ZFP90: variants seen among roughly 807,000 people sequenced by gnomAD.
The protein encoded by ZFP90 is ZFP90 zinc finger protein.
ZFP90 carries 38 observed loss-of-function variants against 60.8 expected under a neutral mutation model. The observed-to-expected ratio is 0.62, with a 90% CI of 0.48 to 0.82. The LOEUF (loss-of-function observed/expected upper bound fraction) is 0.82. Among genes scored for constraint, ZFP90 ranks in the 40% least tolerant of loss-of-function variants. ZFP90 has a pLI of 0.00. For missense variants in ZFP90, 711 were observed against 759.1 expected (o/e 0.94, Z 0.74); for synonymous variants, 287 against 264.8 (o/e 1.08, Z -0.82).
intron 2 of ZFP90, among the ~76,000 whole-genome samples, chr16:68,555,905 G>C (rs534327820): frequency 6.6e-6 from 1 of 152,350 alleles, no homozygotes; most frequent in South Asian, 2.1e-4. Context: ...TGAAGCCTCT[G>C]TGAAACCTTC....
chr16:68,538,018 T>C (rs534435558), upstream of ZFP90, among the ~76,000 whole-genome samples: 2 of 152,192 alleles, frequency 1.3e-5, no homozygotes, highest in Non-Finnish European at 1.5e-5. Flanking sequence ...ATTCAAGCGA[T>C]TCTCCTGCCT....
chr16:68,554,617 T>C (rs544370720), intron 2 of ZFP90, among the ~76,000 whole-genome samples: 184 of 152,284 alleles, frequency 1.2e-3, no homozygotes, highest in African/African-American at 4.4e-3. Context: ...GGTTAGCACA[T>C]TCTTCACCTT....
At chr16:68,553,581 C>A (rs532743008) in intron 2 of ZFP90, among the ~76,000 whole-genome samples, 1 of 151,980 alleles carries the variant, frequency 6.6e-6, no homozygotes, top group Non-Finnish European at 1.5e-5. Flanking sequence ...CCATTGGAGG[C>A]CTTGAAACAG....
chr16:68,537,228 C>T (rs747837307), upstream of ZFP90, among the ~76,000 whole-genome samples: 5 of 152,010 alleles, frequency 3.3e-5, no homozygotes, highest in Non-Finnish European at 7.4e-5. Flanking sequence ...CAGGTTCAAG[C>T]GATTCCCCTG....
At chr16:68,557,089 G>C in intron 2 of ZFP90, 1 of 427,286 alleles carries the variant, frequency 2.3e-6, no homozygotes, top group South Asian at 1.7e-5. Context: ...CTGTACTCAA[G>C]TGATCCTTCC....
upstream of ZFP90, among the ~76,000 whole-genome samples, chr16:68,536,899 T>A (rs932189742): frequency 2.0e-5 from 3 of 152,120 alleles, no homozygotes; most frequent in Non-Finnish European, 4.4e-5. Flanking sequence ...ACACTCAAAA[T>A]CCACACCCCT....
chr16:68,546,992 TAG>T (rs1433488418), intron 2 of ZFP90, among the ~76,000 whole-genome samples: 1 of 152,254 alleles, frequency 6.6e-6, no homozygotes, highest in Non-Finnish European at 1.5e-5. Context: ...CATCCATTGA[TAG>T]ACACTTGCTT....
At chr16:68,548,065 G>A (rs1597723948) in intron 2 of ZFP90, among the ~76,000 whole-genome samples, 1 of 152,170 alleles carries the variant, frequency 6.6e-6, no homozygotes, top group East Asian at 1.9e-4. Flanking sequence ...GACCTCAAGT[G>A]ATCCACCTGC....
chr16:68,564,912 T>C lies in ZFP90; in HGVS notation c.*214T>C. 7.6e-7 allele frequency: 1 copy of C among 1,318,706 alleles called. No homozygotes were observed. Among genetic ancestry groups the C allele is most frequent in the Non-Finnish European group, 9.6e-7 (1 of 1,038,356 alleles). 81.7% of individuals were successfully genotyped at this position (1,318,706 alleles called of 1,614,324 possible). A position where few individuals can be genotyped will look rare whatever the true frequency, so the allele number is the denominator to read the frequency against. On this transcript the variant is annotated 3_prime_UTR_variant, in exon 5 of 5. Transcript: ENST00000563169. ...ACTAGTGTAAAAACAGCTACATGTA[T>C]GTAGCTGGTTGGGGATGATATGCCT...
intron 2 of ZFP90, among the ~76,000 whole-genome samples, chr16:68,545,237 C>T (rs549961043): frequency 6.6e-6 from 1 of 152,118 alleles, no homozygotes; most frequent in South Asian, 2.1e-4. Flanking sequence ...ACCCAGCCTT[C>T]TCTGTACCAG....
chr16:68,534,159 T>C (rs535686490), intron 2 of ZFP90, among the ~76,000 whole-genome samples: 3 of 152,198 alleles, frequency 2.0e-5, no homozygotes, highest in Admixed American at 6.5e-5. Flanking sequence ...TATTCACTAA[T>C]TTTATCTTCG....
At position 68,565,234 on chromosome 16, in the gene ZFP90, A is replaced by G; in HGVS notation, c.*536A>G. 38 of 986,026 alleles carry G rather than the reference A, an allele frequency of 3.9e-5. No homozygotes were observed. The highest frequency in any genetic ancestry group is 4.2e-5 in the Non-Finnish European group (35 of 830,200). 61.1% of individuals were successfully genotyped at this position (986,026 alleles called of 1,614,324 possible). On this transcript the variant is annotated 3_prime_UTR_variant, in exon 5 of 5. Coordinates refer to ENST00000563169, the MANE Select transcript of ZFP90 (RefSeq NM_001305203.2). ...GCCAAAGATGTGAAGTGGTTTCCAC[A>G]GTATGATACAGCCTATAAGGGTAAA...
At chr16:68,560,809 C>T (rs1436146036) in intron 4 of ZFP90, among the ~76,000 whole-genome samples, 1 of 152,018 alleles carries the variant, frequency 6.6e-6, no homozygotes, top group Non-Finnish European at 1.5e-5. Flanking sequence ...TATGTTCATC[C>T]CACCTCAGCC....
chr16:68,549,499 A>G (rs1178378836), intron 2 of ZFP90, among the ~76,000 whole-genome samples: 2 of 151,910 alleles, frequency 1.3e-5, no homozygotes, highest in African/African-American at 2.4e-5. Context: ...AACATGGTGA[A>G]ACCCCGTCTC....
chr16:68,537,185 G>C (rs1380924004), upstream of ZFP90, among the ~76,000 whole-genome samples: 1 of 151,762 alleles, frequency 6.6e-6, no homozygotes, highest in East Asian at 1.9e-4. Flanking sequence ...GAGTGCAGTG[G>C]TGCAATCTTG....
At position 68,563,471 on chromosome 16, in the gene ZFP90, A is replaced by G. The variant is rs773878882; in HGVS notation, c.684A>G (p.Lys228=). 4.3e-6 allele frequency: 7 copies of G among 1,614,070 alleles called. No individual in the cohort carries two copies. The highest frequency in any genetic ancestry group is 5.9e-6 in the Non-Finnish European group (7 of 1,180,036). The change falls in exon 5 of 5, where the codon AAA becomes AAG. Residue 228 remains lysine (K), a synonymous_variant. Transcript: ENST00000563169. The part of the protein sequence containing the change: ...KAFIHRSSLT[K]HEKTHKGEGA... The stretch of plus-strand genomic sequence containing the variant: ...TTATTCATAGATCATCGCTTACTAA[A>G]CATGAGAAAACACATAAAGGAGAGG...
intron 2 of ZFP90, among the ~76,000 whole-genome samples, chr16:68,575,491 T>A (rs1048480851): frequency 1.6e-5 from 2 of 125,344 alleles, no homozygotes; most frequent in African/African-American, 2.9e-5. Context: ...AGGGCTTTTA[T>A]GGGCTCAGAA....
Position 68,539,738 on chromosome 16 carries a change from G to C in ZFP90, c.-35-20G>C. On this transcript the variant is annotated intron_variant, in intron 1 of 4. Transcript: ENST00000563169. ...GTCGGTGTTGCAGCGGGGTGAGTGGGCCCTGTCCTTTCTCCCCAGCTCCTG... is the reference window on the plus strand; with the variant it reads ...GTCGGTGTTGCAGCGGGGTGAGTGGCCCCTGTCCTTTCTCCCCAGCTCCTG... The C allele has an allele frequency of 6.5e-7, 1 of 1,533,154 alleles. No homozygotes were observed. The highest frequency in any genetic ancestry group is 8.8e-7 in the Non-Finnish European group (1 of 1,138,450). 95.0% of individuals were successfully genotyped at this position (1,533,154 alleles called of 1,614,324 possible).
intron 2 of ZFP90, 72 bp from the exon 3 acceptor site, chr16:68,557,926 A>C: frequency 6.3e-7 from 1 of 1,590,450 alleles, no homozygotes; most frequent in South Asian, 1.1e-5. Flanking sequence ...TAGCTCCTGC[A>C]GTATGTTCCC....
Sources: allele counts gnomAD v4.1 joint callset (sites outside exome capture counted in the v4.1 genomes callset), GRCh38; gene constraint gnomAD v4.1.1; transcripts MANE v1.5; gene names NCBI Gene and HGNC (gene_info 2026-07-23, HGNC 2026-07-21).